MAGI1: variants seen among roughly 807,000 people sequenced by gnomAD.
MAGI1 encodes the protein membrane-associated guanylate kinase, WW and PDZ domain-containing protein 1.
In MAGI1, 58 loss-of-function variants were observed where a neutral mutation model predicts 139.9. The observed-to-expected ratio is 0.41, with a 90% CI of 0.34 to 0.52. MAGI1 has a LOEUF of 0.52. MAGI1 is among the 20% of genes least tolerant of loss of function. The probability of loss-of-function intolerance (pLI) is 0.12; values close to 1 mark genes in which losing one functional copy is unlikely to be tolerated. For missense variants in MAGI1, 1,874 were observed against 1,901.6 expected, an observed-to-expected ratio of 0.99 and a Z score of 0.27; for synonymous variants, 812 against 737.9, an observed-to-expected ratio of 1.10 and a Z score of -1.63.
At chr3:65,745,175 A>G (rs149388155) in intron 1 of MAGI1, among the ~76,000 whole-genome samples, 2 of 152,264 alleles carry the variant, frequency 1.3e-5, no homozygotes, top group African/African-American at 4.8e-5. Flanking sequence ...TGGAAATGTT[A>G]TATACAGGGA....
At chr3:65,453,592 GT>G (rs944636281) in intron 5 of MAGI1, among the ~76,000 whole-genome samples, 2 of 151,988 alleles carry the variant, frequency 1.3e-5, no homozygotes, top group Non-Finnish European at 2.9e-5. Context: ...AATAATACCA[GT>G]TTTATTTTTG....
intron 1 of MAGI1, among the ~76,000 whole-genome samples, chr3:65,918,070 T>C (rs765642478): frequency 6.6e-6 from 1 of 152,198 alleles, no homozygotes; most frequent in African/African-American, 2.4e-5. Flanking sequence ...CTCAATTTTA[T>C]TGTGAATCTA....
intron 1 of MAGI1, among the ~76,000 whole-genome samples, chr3:65,704,198 T>G (rs567675672): frequency 7.3e-5 from 11 of 150,872 alleles, no homozygotes; most frequent in Non-Finnish European, 1.5e-4. Context: ...ATTTCTTCTA[T>G]GTTTTATTCC....
chr3:65,622,240 A>G (rs2083716403), intron 1 of MAGI1, 152 bp from the exon 2 acceptor site: 2 of 672,354 alleles, frequency 3.0e-6, no homozygotes, highest in Admixed American at 2.3e-5. Flanking sequence ...TTTCCTCTGC[A>G]GGGGTAAAGT....
intron 10 of MAGI1, 60 bp from the exon 11 acceptor site, chr3:65,430,941 A>C (rs1947407437): frequency 1.3e-6 from 2 of 1,485,524 alleles, no homozygotes; most frequent in Middle Eastern, 1.8e-4. Flanking sequence ...AGAATTAAAC[A>C]AGATTTGAGA....
intron 1 of MAGI1, among the ~76,000 whole-genome samples, chr3:65,689,004 G>T (rs912485321): frequency 6.6e-6 from 1 of 152,064 alleles, no homozygotes; most frequent in Non-Finnish European, 1.5e-5. Context: ...AATTTTCCTC[G>T]ACTATGATTT....
chr3:65,609,366 C>A (rs577212729), intron 2 of MAGI1, among the ~76,000 whole-genome samples: 1 of 152,008 alleles, frequency 6.6e-6, no homozygotes, highest in African/African-American at 2.4e-5. Context: ...CAACCTCTGC[C>A]TCCCAGGTTC....
intron 5 of MAGI1, among the ~76,000 whole-genome samples, chr3:65,463,189 C>A (rs7634638): frequency 0.55 from 83,095 of 152,036 alleles, 23,975 homozygotes; most frequent in East Asian, 0.94. Context: ...CCAGTTTCAA[C>A]GGGAATGCTT....
chr3:65,907,590 C>T (rs1375581184), intron 1 of MAGI1: 1 of 152,218 alleles, frequency 6.6e-6, no homozygotes, highest in Non-Finnish European at 1.5e-5. Flanking sequence ...TCTAGGAATC[C>T]ACTGCCTTCT....
chr3:65,663,438 T>C (rs1275971186), intron 1 of MAGI1, among the ~76,000 whole-genome samples: 1 of 152,186 alleles, frequency 6.6e-6, no homozygotes, highest in Non-Finnish European at 1.5e-5. Flanking sequence ...TTTTTCCTTA[T>C]GTTTGAAATA....
At chr3:65,705,696 G>A (rs7640824) in intron 1 of MAGI1, among the ~76,000 whole-genome samples, 26,737 of 152,094 alleles carry the variant, frequency 0.18, 2,779 homozygotes, top group African/African-American at 0.3. Context: ...AGACATTAAT[G>A]TGTCCCATTC....
At chr3:66,014,490 G>A (rs1388106492) in intron 1 of MAGI1, among the ~76,000 whole-genome samples, 1 of 152,116 alleles carries the variant, frequency 6.6e-6, no homozygotes, top group Non-Finnish European at 1.5e-5. Context: ...ACTGTAGGGA[G>A]ATACCATATA....
intron 1 of MAGI1, among the ~76,000 whole-genome samples, chr3:66,036,418 G>C (rs1326440244): frequency 6.6e-6 from 1 of 152,088 alleles, no homozygotes; most frequent in Non-Finnish European, 1.5e-5. Flanking sequence ...TCACTACCTT[G>C]TATGGAAATG....
In MAGI1 at chr3:65,590,788, CA is replaced by C. The variant is rs2081932885; in HGVS notation, c.430+31183del. Among the ~76,000 whole-genome samples the C allele has an allele frequency of 2.6e-5, 4 of 152,270 alleles. No homozygotes were observed. In the South Asian group the frequency reaches 8.3e-4, roughly 32 times the overall value. On this transcript the variant is annotated intron_variant, in intron 2 of 22. Coordinates refer to ENST00000402939, the MANE Select transcript of MAGI1 (RefSeq NM_001033057.2). The stretch of plus-strand genomic sequence containing the variant: ...ATTCCTACATCTTCCAGAATCTAGA[CA>C]GAGCCTCTAAGGCCAAAGGAAACAT...
At chr3:65,610,753 G>GCATATATATATACTA (rs1559718256) in intron 2 of MAGI1, among the ~76,000 whole-genome samples, 13 of 123,220 alleles carry the variant, frequency 1.1e-4, no homozygotes, top group African/African-American at 2.4e-4. Context: ...TATATATACA[G>GCATATATATATACTA]TATATATATA....
At chr3:66,014,133 T>A (rs1045734797) in intron 1 of MAGI1, among the ~76,000 whole-genome samples, 4 of 152,036 alleles carry the variant, frequency 2.6e-5, no homozygotes, top group Non-Finnish European at 5.9e-5. Flanking sequence ...GAAGGTAGGG[T>A]AAACACATAA....
intron 1 of MAGI1, among the ~76,000 whole-genome samples, chr3:65,871,676 G>A (rs1444496150): frequency 6.6e-6 from 1 of 152,152 alleles, no homozygotes; most frequent in African/African-American, 2.4e-5. Flanking sequence ...AATCAGGCTG[G>A]GGGACTTAAA....
intron 3 of MAGI1, among the ~76,000 whole-genome samples, chr3:65,491,452 A>G (rs1280218954): frequency 2.6e-5 from 4 of 152,166 alleles, no homozygotes; most frequent in South Asian, 2.1e-4. Flanking sequence ...TTCCTTTCCG[A>G]CCCAATCCTC....
intron 13 of MAGI1, 56 bp downstream of exon 13, chr3:65,401,373 CCCACCTCCAG>C: frequency 6.9e-5 from 42 of 604,984 alleles, no homozygotes; most frequent in Non-Finnish European, 1.2e-4. Context: ...AGAGTACCCT[CCCACCTCCAG>C]CCCCCCACCA....
Sources: allele counts gnomAD v4.1 joint callset (sites outside exome capture counted in the v4.1 genomes callset), GRCh38; gene constraint gnomAD v4.1.1; transcripts MANE v1.5; gene names NCBI Gene and HGNC (gene_info 2026-07-23, HGNC 2026-07-21).